The following SLC22A5 variants were observed in gnomAD, a reference collection of about 807,000 sequenced individuals.
SLC22A5 encodes the protein organic cation/carnitine transporter 2.
In SLC22A5, 44 loss-of-function variants were observed where a neutral mutation model predicts 56.7. The ratio of observed to expected loss-of-function variants is 0.78; its 90% CI spans 0.61 to 1.00. SLC22A5 has a LOEUF of 1.00. Ranked by LOEUF, SLC22A5 falls within the 50% of genes least tolerant of loss-of-function variation. The probability of loss-of-function intolerance (pLI) is 0.00; values close to 1 mark genes in which losing one functional copy is unlikely to be tolerated. For missense variants in SLC22A5, 675 were observed against 723.0 expected, an observed-to-expected ratio of 0.93 and a Z score of 0.76; for synonymous variants, 278 against 292.1, an observed-to-expected ratio of 0.95 and a Z score of 0.49.
rs750736082 is a variant in SLC22A5, at chr5:132,370,953, C to CTT, written c.393+599_393+600dup. Among the ~76,000 whole-genome samples, 1,028 of 133,796 alleles carry CTT rather than the reference C, an allele frequency of 7.7e-3. 32 individuals are homozygous for CTT. The highest frequency in any genetic ancestry group is 0.024 in the African/African-American group (892 of 36,920). 87.8% of individuals were successfully genotyped at this position (133,796 alleles called of 152,430 possible). A position where few individuals can be genotyped will look rare whatever the true frequency, so the allele number is the denominator to read the frequency against. On this transcript the variant is annotated intron_variant, in intron 1 of 9. Transcript: ENST00000245407. ...CCTTTTCCCATGGTCAGTTGTCAGT[C>CTT]TTTTTTTTTTTTGAGACAGAGTCTC... is the stretch of plus-strand genomic sequence containing the variant.
rs546969362 is a variant in SLC22A5 at position 132,378,815 on chromosome 5, A to G, written c.497+334A>G. 281 of 376,846 alleles carry G rather than the reference A, an allele frequency of 7.5e-4. 7 individuals are homozygous for G. Among genetic ancestry groups the G allele is most frequent in the South Asian group, 6.1e-3 (275 of 44,970 alleles). The allele number at this position is 376,846 out of a possible 1,614,324, so 23.3% of individuals were successfully genotyped here. On this transcript the variant is annotated intron_variant, in intron 2 of 9. Transcript: ENST00000245407. The stretch of plus-strand genomic sequence containing the variant: ...TCTGTCATGCCCCTGAGCATGGGAG[A>G]GGTTGACATCATGCACACATGCACA...
At chr5:132,390,446 G>C (rs1752658937) in intron 6 of SLC22A5, 2 of 564,716 alleles carry the variant, frequency 3.5e-6, no homozygotes, top group Non-Finnish European at 6.3e-6. Context: ...TTTTTTGCTG[G>C]GACACTGTCT....
In SLC22A5 at chr5:132,369,926, C is replaced by G; in HGVS notation, c.-47C>G. Reference sequence around the variant, plus strand: ...CCCCGCGCGCACGCGCAAAGCCCGCCGCGTTCCCCGACCCCAGGCCGCGCT... The same window carrying G: ...CCCCGCGCGCACGCGCAAAGCCCGCGGCGTTCCCCGACCCCAGGCCGCGCT... On this transcript the variant is annotated 5_prime_UTR_variant, in exon 1 of 10. Transcript: ENST00000245407. The G allele has an allele frequency of 6.2e-7, 1 of 1,605,662 alleles. No homozygotes were observed. Among genetic ancestry groups the G allele is most frequent in the Non-Finnish European group, 8.5e-7 (1 of 1,176,958 alleles).
intron 1 of SLC22A5, 21 bp downstream of exon 1, chr5:132,370,386 G>A: frequency 1.2e-6 from 2 of 1,610,496 alleles, no homozygotes; most frequent in Non-Finnish European, 1.7e-6. Context: ...GCCCCTGCTG[G>A]GGCTGAGACC....
chr5:132,382,168 AAC>A (rs1491120597), intron 2 of SLC22A5: 4 of 151,824 alleles, frequency 2.6e-5, no homozygotes, highest in Non-Finnish European at 4.4e-5. Context: ...GGAAAAAAAC[AAC>A]AACAACAGAA....
chr5:132,390,474 A>G, intron 6 of SLC22A5: 1 of 623,296 alleles, frequency 1.6e-6, no homozygotes. Flanking sequence ...AGGCTCTGAG[A>G]GCGCACTGGC....
chr5:132,372,990 G>T (rs909327756), intron 1 of SLC22A5, among the ~76,000 whole-genome samples: 3 of 152,150 alleles, frequency 2.0e-5, no homozygotes, highest in African/African-American at 7.2e-5. Context: ...GTCCTGTTTG[G>T]ATTTTTTTAA....
intron 1 of SLC22A5, chr5:132,377,875 G>T (rs1198149423): frequency 7.0e-6 from 3 of 427,160 alleles, no homozygotes; most frequent in South Asian, 3.3e-5. Flanking sequence ...CATTGGCCCA[G>T]GGTGGGAACC....
chr5:132,378,319 T>A lies in SLC22A5; in HGVS notation c.394-59T>A. ...TTCTGACTTCATTTTCCAGGATGCCTTTGCTTTAAAACCTTTTAAAAAGAA... is the reference window on the plus strand; with the variant it reads ...TTCTGACTTCATTTTCCAGGATGCCATTGCTTTAAAACCTTTTAAAAAGAA... On this transcript the variant is annotated intron_variant, in intron 1 of 9. Coordinates refer to ENST00000245407, the MANE Select transcript of SLC22A5 (RefSeq NM_003060.4). 8 of 1,612,248 alleles carry A rather than the reference T, an allele frequency of 5.0e-6. No individual in the cohort carries two copies. The South Asian group carries it at 8.8e-5, about 18-fold the overall frequency.
intron 1 of SLC22A5, among the ~76,000 whole-genome samples, chr5:132,375,303 C>T (rs1053494739): frequency 9.2e-5 from 14 of 152,086 alleles, no homozygotes; most frequent in Admixed American, 6.5e-4. Flanking sequence ...GCTCTGACAA[C>T]GGTGGGGCAA....
intron 3 of SLC22A5, among the ~76,000 whole-genome samples, chr5:132,385,026 T>C (rs1434083999): frequency 6.6e-6 from 1 of 152,208 alleles, no homozygotes; most frequent in Non-Finnish European, 1.5e-5. Flanking sequence ...TCACTTTTAA[T>C]AAATTCTTCC....
At chr5:132,389,879 A>T (rs1446810664) in intron 6 of SLC22A5, 1 of 154,606 alleles carries the variant, frequency 6.5e-6, no homozygotes, top group African/African-American at 2.4e-5. Flanking sequence ...CAAGCCTGTG[A>T]TGAGTCACCC....
At chr5:132,393,835 G>A (rs1352288146) in intron 9 of SLC22A5, 24 bp downstream of exon 9, 7 of 1,613,852 alleles carry the variant, frequency 4.3e-6, no homozygotes, top group East Asian at 2.2e-5. Context: ...CTCTGTCAGT[G>A]TTGATGCACT....
chr5:132,373,276 G>A (rs1353174204), intron 1 of SLC22A5, among the ~76,000 whole-genome samples: 2 of 152,206 alleles, frequency 1.3e-5, no homozygotes, highest in African/African-American at 4.8e-5. Context: ...CACTGACTGG[G>A]GCTTTGATGC....
chr5:132,393,882 A>G (rs1752790576), intron 9 of SLC22A5, 71 bp downstream of exon 9: 4 of 1,566,362 alleles, frequency 2.6e-6, no homozygotes, highest in African/African-American at 2.7e-5. Context: ...AGCCCCTCAC[A>G]ATAGAGCTAC....
intron 1 of SLC22A5, chr5:132,377,605 T>C (rs1393350005): frequency 6.4e-6 from 1 of 155,216 alleles, no homozygotes; most frequent in Non-Finnish European, 1.4e-5. Flanking sequence ...TAACTATAGA[T>C]GGAACCACAC....
At chr5:132,383,167 A>G (rs968223921) in intron 2 of SLC22A5, 1 of 152,306 alleles carries the variant, frequency 6.6e-6, no homozygotes, top group Non-Finnish European at 1.5e-5. Context: ...CAATTACAGC[A>G]TCCTCTCTCT....
rs1275349783 is a variant in SLC22A5 at position 132,390,692 on chromosome 5, T to C, written c.1055T>C (p.Met352Thr). The C allele has an allele frequency of 1.2e-6, 2 of 1,611,726 alleles. No homozygotes were observed. The highest frequency in any genetic ancestry group is 2.7e-5 in the African/African-American group (2 of 75,008). Residue 352 changes from methionine (M) to threonine (T), a missense_variant and splice_region_variant, in exon 7 of 10, where the codon ATG (methionine) becomes ACG (threonine). By Grantham distance (81) the Met-to-Thr change is moderately conservative. Transcript: ENST00000245407. ...MVTIMSIMLW[M>T]TISVGYFGLS... ...CTTTCTTCTGCACTCTGTTTCAGGATGACCATATCAGTGGGCTATTTTGGG... is the reference window on the plus strand; with the variant it reads ...CTTTCTTCTGCACTCTGTTTCAGGACGACCATATCAGTGGGCTATTTTGGG...
Position 132,394,188 on chromosome 5 carries a change from G to T in SLC22A5, c.1590G>T (p.Met530Ile), listed in dbSNP as rs148233131. The T allele has an allele frequency of 6.2e-4, 991 of 1,610,010 alleles. 5 individuals carry two copies. In the African/African-American group the frequency reaches 0.011, roughly 18 times the overall value. The change falls in exon 10 of 10, where the codon ATG becomes ATT. Residue 530 changes from methionine to isoleucine, a missense_variant. Transcript: ENST00000245407. ...ATATTTTTGCTTGTTTTTATAGAAT[G>T]AAACACAGAAAAACTCCAAGTCACA... is the stretch of plus-strand genomic sequence containing the variant. ...TIDQMLRVKGMKHRKTPSHTR... is the reference protein window; with the variant it reads ...TIDQMLRVKGIKHRKTPSHTR...
Sources: allele counts gnomAD v4.1 joint callset (sites outside exome capture counted in the v4.1 genomes callset), GRCh38; gene constraint gnomAD v4.1.1; transcripts MANE v1.5; gene names NCBI Gene and HGNC (gene_info 2026-07-23, HGNC 2026-07-21).